Variants in LAMA2 observed in about 807,000 individuals in gnomAD.
LAMA2 encodes the protein laminin subunit alpha 2, also known as laminin subunit alpha-2.
Under a neutral mutation model 364.8 loss-of-function variants are expected in LAMA2, and 269 were observed. That is an observed-to-expected ratio of 0.74 (90% CI 0.67 to 0.82). The LOEUF is 0.82. LAMA2 is among the 40% of genes least tolerant of loss of function. The pLI, the probability that LAMA2 is intolerant of heterozygous loss-of-function variation, is 0.00. For synonymous variants in LAMA2, 1,379 were observed against 1,370.6 expected (o/e 1.01, Z -0.14); for missense variants, 3,807 against 3,873.2 (o/e 0.98, Z 0.45).
chr6:129,180,273 A>G (rs879764458), intron 10 of LAMA2, among the ~76,000 whole-genome samples: 9 of 152,118 alleles, frequency 5.9e-5, no homozygotes, highest in Non-Finnish European at 8.8e-5. Context: ...GCAGAAGGGG[A>G]AGAATATATA....
At chr6:129,406,325 A>G (rs1057148163) in intron 40 of LAMA2, among the ~76,000 whole-genome samples, 1 of 152,228 alleles carries the variant, frequency 6.6e-6, no homozygotes, top group African/African-American at 2.4e-5. Context: ...TATTTTGTAA[A>G]GAGTAATAGC....
At chr6:129,086,173 G>T (rs982782357) in intron 3 of LAMA2, among the ~76,000 whole-genome samples, 39 of 152,188 alleles carry the variant, frequency 2.6e-4, no homozygotes, top group African/African-American at 9.4e-4. Context: ...ATTTAAGATT[G>T]TCATTTTGGT....
chr6:129,232,708 C>T (rs1784744578), intron 12 of LAMA2, among the ~76,000 whole-genome samples: 1 of 151,986 alleles, frequency 6.6e-6, no homozygotes, highest in African/African-American at 2.4e-5. Context: ...AAATATGTTC[C>T]CTCTTACATG....
At chr6:129,481,178 T>C in intron 54 of LAMA2, 85 bp from the exon 55 acceptor site, 1 of 998,276 alleles carries the variant, frequency 1.0e-6, no homozygotes, top group South Asian at 1.3e-5. Context: ...TCACATTAAT[T>C]GCATCGAGGA....
intron 1 of LAMA2, among the ~76,000 whole-genome samples, chr6:128,893,774 A>G (rs888984012): frequency 1.3e-5 from 2 of 151,742 alleles, no homozygotes; most frequent in African/African-American, 4.8e-5. Flanking sequence ...AAATTTAAAA[A>G]TGTTTACTAA....
intron 40 of LAMA2, among the ~76,000 whole-genome samples, chr6:129,405,725 A>G (rs1298918808): frequency 6.6e-6 from 1 of 152,192 alleles, no homozygotes; most frequent in Non-Finnish European, 1.5e-5. Context: ...AGATCAGTAT[A>G]ATATAGTTCT....
chr6:129,173,300 G>A (rs1780341802), intron 9 of LAMA2, among the ~76,000 whole-genome samples: 1 of 152,158 alleles, frequency 6.6e-6, no homozygotes, highest in Non-Finnish European at 1.5e-5. Flanking sequence ...GTCTTGAAAG[G>A]TGAAGAAATG....
intron 12 of LAMA2, among the ~76,000 whole-genome samples, chr6:129,243,554 G>A (rs1785531143): frequency 6.6e-6 from 1 of 151,934 alleles, no homozygotes; most frequent in Non-Finnish European, 1.5e-5. Context: ...ACACTGATAA[G>A]CAATCAGTGT....
rs796711405 is a variant in LAMA2 at position 129,309,805 on chromosome 6, G to A, written c.3175-3056G>A. ...ATCTTTGGGTTTAAAATATCTTCTAGAAGCCGCCCTTATTGCAGCCTTTCT... is the reference window on the plus strand; with the variant it reads ...ATCTTTGGGTTTAAAATATCTTCTAAAAGCCGCCCTTATTGCAGCCTTTCT... On this transcript the variant is annotated intron_variant, in intron 22 of 64. Coordinates refer to ENST00000421865, the MANE Select transcript of LAMA2 (RefSeq NM_000426.4). Among the ~76,000 whole-genome samples the A allele has an allele frequency of 2.6e-5, 4 of 151,930 alleles. No homozygotes were observed. The South Asian group carries it at 8.3e-4, about 32-fold the overall frequency.
chr6:129,214,921 AT>A (rs1783331766), intron 12 of LAMA2, among the ~76,000 whole-genome samples: 1 of 152,124 alleles, frequency 6.6e-6, no homozygotes, highest in Admixed American at 6.5e-5. Flanking sequence ...ATACCTCTCC[AT>A]TTATTTAATT....
At chr6:128,962,181 T>TAC (rs1251433348) in intron 1 of LAMA2, among the ~76,000 whole-genome samples, 17 of 118,552 alleles carry the variant, frequency 1.4e-4, no homozygotes, top group African/African-American at 5.7e-4. Flanking sequence ...TATATATATA[T>TAC]ATATACACAC....
At chr6:129,278,429 T>C (rs1422131179) in intron 17 of LAMA2, among the ~76,000 whole-genome samples, 1 of 152,146 alleles carries the variant, frequency 6.6e-6, no homozygotes, top group African/African-American at 2.4e-5. Context: ...GACATATATA[T>C]GCTACAGAGA....
intron 12 of LAMA2, among the ~76,000 whole-genome samples, chr6:129,221,749 G>A (rs1208015958): frequency 6.6e-6 from 1 of 151,970 alleles, no homozygotes; most frequent in African/African-American, 2.4e-5. Context: ...ATATACTAAA[G>A]GAAATTATTA....
chr6:129,382,840 C>A (rs1393677598), intron 34 of LAMA2, among the ~76,000 whole-genome samples: 2 of 152,252 alleles, frequency 1.3e-5, no homozygotes, highest in South Asian at 2.1e-4. Flanking sequence ...AAAGATATTT[C>A]AAAAATAATT....
chr6:129,247,834 G>C (rs988010142), intron 12 of LAMA2, among the ~76,000 whole-genome samples: 27 of 152,120 alleles, frequency 1.8e-4, no homozygotes, highest in South Asian at 2.1e-4. Flanking sequence ...AGCAGAATAG[G>C]GTAAATTATT....
chr6:129,234,751 A>G (rs1784875395), intron 12 of LAMA2, among the ~76,000 whole-genome samples: 3 of 152,172 alleles, frequency 2.0e-5, no homozygotes, highest in African/African-American at 7.2e-5. Flanking sequence ...AGAAAATTTA[A>G]TTACACGTAC....
At chr6:128,922,663 G>C (rs1451194070) in intron 1 of LAMA2, among the ~76,000 whole-genome samples, 1 of 151,950 alleles carries the variant, frequency 6.6e-6, no homozygotes, top group East Asian at 1.9e-4. Flanking sequence ...TCGGTTGCCT[G>C]TTCACTCTGC....
At chr6:129,316,228 T>C in intron 27 of LAMA2, 57 bp downstream of exon 27, 1 of 1,337,920 alleles carries the variant, frequency 7.5e-7, no homozygotes, top group South Asian at 1.2e-5. Flanking sequence ...AGGAAGGTTA[T>C]TGACCTACAG....
At chr6:129,146,838 C>T in intron 5 of LAMA2, 121 bp from the exon 6 acceptor site, 1 of 748,868 alleles carries the variant, frequency 1.3e-6, no homozygotes, top group Admixed American at 1.9e-5. Flanking sequence ...CCTCAAGAAA[C>T]ACAAATGTCC....
Sources: gnomAD v4.1 joint callset for allele counts (sites outside exome capture counted in the v4.1 genomes callset) on GRCh38, gnomAD v4.1.1 for gene constraint, MANE v1.5 for transcripts, NCBI Gene and HGNC (gene_info 2026-07-23, HGNC 2026-07-21) for gene names.